The following MRPL15 variants were observed in gnomAD, a reference collection of about 807,000 sequenced individuals.
MRPL15 encodes the protein large ribosomal subunit protein uL15m.
Under a neutral mutation model 28.0 loss-of-function variants are expected in MRPL15, and 24 were observed. The observed-to-expected ratio is 0.86, with a 90% CI of 0.62 to 1.21. The LOEUF is 1.21. Ranked by LOEUF, MRPL15 falls within the 50% of genes most tolerant of loss-of-function variation. MRPL15 has a pLI of 0.00. For missense variants in MRPL15, 343 were observed against 372.4 expected, an observed-to-expected ratio of 0.92 and a Z score of 0.65; for synonymous variants, 124 against 137.0, an observed-to-expected ratio of 0.90 and a Z score of 0.66.
rs757410899 is a variant in MRPL15, at chr8:54,142,709, CT to C, written c.478del (p.Ser160GlnfsTer3). ...AAAGTTAATATTGAAGTACAGTTGG[CT>C]TCAGAACTAGCTATTGCTGCCATTG... ...TAKVNIEVQL[A>X]SELAIAAIEK... is the part of the protein sequence containing the mutation. On this transcript the variant is annotated frameshift_variant, in exon 4 of 5. Coordinates refer to ENST00000260102, the MANE Select transcript of MRPL15 (RefSeq NM_014175.4). LOFTEE classifies it high-confidence loss of function. 7 of 1,613,988 alleles carry C rather than the reference CT, an allele frequency of 4.3e-6. No homozygotes were observed. The highest frequency in any genetic ancestry group is 5.1e-6 in the Non-Finnish European group (6 of 1,180,010).
rs369347994 is a variant in MRPL15, at chr8:54,135,379, C to T, written c.96C>T (p.Gly32=). 4.9e-5 allele frequency: 75 copies of T among 1,528,914 alleles called. No homozygotes were observed. Among genetic ancestry groups the T allele is most frequent in the Non-Finnish European group, 6.0e-5 (68 of 1,135,562 alleles). The allele number at this position is 1,528,914 out of a possible 1,614,324, so 94.7% of individuals were successfully genotyped here. A position where few individuals can be genotyped will look rare whatever the true frequency, so the allele number is the denominator to read the frequency against. ...VSLANLKPNP[G]SKKPERRPRG... is the part of the protein sequence containing the mutation. ...TGGCCAACTTAAAGCCGAATCCCGG[C>T]TCCAAGAAACCGGTAAATGGGTGGT... Residue 32 remains glycine, a synonymous_variant, in exon 1 of 5, where the codon GGC becomes GGT. Coordinates refer to ENST00000260102, the MANE Select transcript of MRPL15 (RefSeq NM_014175.4).
rs1445728020 is a variant in MRPL15, at chr8:54,147,758, G to A, written c.*39G>A. 1 of 1,519,014 alleles carries A rather than the reference G, an allele frequency of 6.6e-7. No individual in the cohort carries two copies. The highest frequency in any genetic ancestry group is 1.3e-5 in the South Asian group (1 of 79,956). The allele number at this position is 1,519,014 out of a possible 1,614,324, so 94.1% of individuals were successfully genotyped here. On this transcript the variant is annotated 3_prime_UTR_variant, in exon 5 of 5. Coordinates refer to ENST00000260102, the MANE Select transcript of MRPL15 (RefSeq NM_014175.4). ...GAAGCAGAGTTGTTAAAGAGTACTG[G>A]AATAGGGGCTGAAGGATCTATATTC...
intron 4 of MRPL15, among the ~76,000 whole-genome samples, chr8:54,143,996 G>A (rs1254918225): frequency 6.6e-6 from 1 of 152,232 alleles, no homozygotes; most frequent in East Asian, 1.9e-4. Context: ...TGCATGGTGT[G>A]CACACGCACA....
At chr8:54,140,574 C>CTTTTTTTTTTTG (rs1810905785) in intron 3 of MRPL15, among the ~76,000 whole-genome samples, 1 of 99,576 alleles carries the variant, frequency 1.0e-5, no homozygotes, top group Non-Finnish European at 2.0e-5. Flanking sequence ...ATTTTCTTTT[C>CTTTTTTTTTTTG]TTTTTTTTTT....
chr8:54,137,694 C>G (rs760120611), intron 3 of MRPL15, among the ~76,000 whole-genome samples: 2 of 152,128 alleles, frequency 1.3e-5, no homozygotes, highest in Non-Finnish European at 2.9e-5. Flanking sequence ...GAACTCCTGA[C>G]CTTAAGTGAT....
In MRPL15 at chr8:54,147,502, A is replaced by T; in HGVS notation, c.674A>T (p.Asp225Val). ...GCAAAGAACCGTGGGTACCTGGCGG[A>T]TCCTGCCAAATTTCCTGAAGCACGA... ...TDAKNRGYLA[D>V]PAKFPEARLE... is the part of the protein sequence containing the mutation. Residue 225 changes from aspartate to valine, a missense_variant, in exon 5 of 5, where the codon GAT (aspartate) becomes GTT (valine). Physicochemically the swap from Asp to Val is radical, Grantham distance 152. Coordinates refer to ENST00000260102, the MANE Select transcript of MRPL15 (RefSeq NM_014175.4). 1.2e-6 allele frequency: 2 copies of T among 1,614,182 alleles called. No homozygotes were observed. The highest frequency in any genetic ancestry group is 1.7e-6 in the Non-Finnish European group (2 of 1,180,032).
chr8:54,139,849 C>T (rs1185378421), intron 3 of MRPL15, among the ~76,000 whole-genome samples: 1 of 152,114 alleles, frequency 6.6e-6, no homozygotes, highest in Non-Finnish European at 1.5e-5. Context: ...ATTTATACTA[C>T]TGAAAATACT....
Position 54,135,485 on chromosome 8 carries a change from G to A in MRPL15, c.108+94G>A, listed in dbSNP as rs1157970244. 3 of 1,039,892 alleles carry A rather than the reference G, an allele frequency of 2.9e-6. No individual in the cohort carries two copies. In the African/African-American group the frequency reaches 5.0e-5, roughly 17 times the overall value. 64.4% of individuals were successfully genotyped at this position (1,039,892 alleles called of 1,614,324 possible). On this transcript the variant is annotated intron_variant, in intron 1 of 4. Transcript: ENST00000260102. The stretch of plus-strand genomic sequence containing the variant: ...GTCATTAGGAGAACTGCCCTTTCTA[G>A]GAGAGTGTTGGGATGAAAATAGGAT...
At chr8:54,139,579 C>T (rs1810885441) in intron 3 of MRPL15, among the ~76,000 whole-genome samples, 1 of 152,160 alleles carries the variant, frequency 6.6e-6, no homozygotes, top group Non-Finnish European at 1.5e-5. Flanking sequence ...AACTGCACAT[C>T]CCAACATCCT....
rs1310401568 is a variant in MRPL15, at chr8:54,148,136, C to T, written c.*417C>T. Among the ~76,000 whole-genome samples, 2 of 152,128 alleles carry T rather than the reference C, an allele frequency of 1.3e-5. No individual in the cohort carries two copies. The highest frequency in any genetic ancestry group is 2.9e-5 in the Non-Finnish European group (2 of 68,028). On this transcript the variant is annotated 3_prime_UTR_variant, in exon 5 of 5. Transcript: ENST00000260102. ...GTTGGTGACCCCTCTTAATCTGTAG[C>T]CTCAGGGAAACACGGCTACCCAATG...
chr8:54,145,143 C>G (rs1035124137), intron 4 of MRPL15, among the ~76,000 whole-genome samples: 2 of 152,166 alleles, frequency 1.3e-5, no homozygotes, highest in African/African-American at 4.8e-5. Context: ...TAAAACAAAT[C>G]CAATCACAGG....
chr8:54,141,357 C>T (rs1810923153), intron 3 of MRPL15, among the ~76,000 whole-genome samples: 1 of 152,014 alleles, frequency 6.6e-6, no homozygotes, highest in Admixed American at 6.6e-5. Context: ...TCTATGAAGT[C>T]GGTATTTCCA....
intron 4 of MRPL15, among the ~76,000 whole-genome samples, chr8:54,147,140 G>A (rs1811057519): frequency 6.6e-6 from 1 of 152,172 alleles, no homozygotes; most frequent in South Asian, 2.1e-4. Flanking sequence ...GCTGAGGCAG[G>A]AGAATTGCTT....
intron 3 of MRPL15, among the ~76,000 whole-genome samples, chr8:54,141,114 T>G (rs138510830): frequency 3.3e-5 from 5 of 152,320 alleles, no homozygotes; most frequent in African/African-American, 1.2e-4. Context: ...TCTTGCTTAC[T>G]TAGGGATAAG....
chr8:54,144,752 C>T (rs1811014014), intron 4 of MRPL15, among the ~76,000 whole-genome samples: 1 of 151,280 alleles, frequency 6.6e-6, no homozygotes, highest in Admixed American at 6.6e-5. Context: ...GCACTCCAGG[C>T]TGGGTGGCAA....
chr8:54,145,183 A>G (rs568972934), intron 4 of MRPL15, among the ~76,000 whole-genome samples: 2 of 152,300 alleles, frequency 1.3e-5, no homozygotes, highest in Non-Finnish European at 2.9e-5. Flanking sequence ...TTTGCCTCTG[A>G]ATAATTTACT....
chr8:54,141,666 C>T (rs1810928527), intron 3 of MRPL15, among the ~76,000 whole-genome samples: 1 of 152,100 alleles, frequency 6.6e-6, no homozygotes, highest in African/African-American at 2.4e-5. Context: ...TCTAAGATGG[C>T]CTAGTATTTG....
intron 4 of MRPL15, among the ~76,000 whole-genome samples, chr8:54,145,133 TAAAAC>T (rs747570416): frequency 6.6e-6 from 1 of 152,202 alleles, no homozygotes; most frequent in Non-Finnish European, 1.5e-5. Context: ...AAAAAAGTAA[TAAAAC>T]AAATCCAATC....
Position 54,148,320 on chromosome 8 carries a change from G to A in MRPL15, c.*601G>A, listed in dbSNP as rs1389108664. 3.3e-5 allele frequency among the ~76,000 whole-genome samples: 5 copies of A among 152,254 alleles called. No homozygotes were observed. The East Asian group carries it at 9.6e-4, about 29-fold the overall frequency. The stretch of plus-strand genomic sequence containing the variant: ...TTATTTTCTCAATTCTGTGGTAGAA[G>A]TGTTACAGGCAGGCCTTTGTTCTTA... On this transcript the variant is annotated 3_prime_UTR_variant, in exon 5 of 5. Transcript: ENST00000260102.
Sources: gnomAD v4.1 joint callset for allele counts (sites outside exome capture counted in the v4.1 genomes callset) on GRCh38, gnomAD v4.1.1 for gene constraint, MANE v1.5 for transcripts, NCBI Gene and HGNC (gene_info 2026-07-23, HGNC 2026-07-21) for gene names.